Variants in PTPRD observed in about 807,000 individuals in gnomAD.
PTPRD encodes receptor-type tyrosine-protein phosphatase delta.
In PTPRD, 34 loss-of-function variants were observed where a neutral mutation model predicts 214.5. The ratio of observed to expected loss-of-function variants is 0.16; its 90% confidence interval spans 0.12 to 0.21. The LOEUF (loss-of-function observed/expected upper bound fraction) is 0.21. Ranked by LOEUF, PTPRD falls within the 10% of genes least tolerant of loss-of-function variation. The pLI is 1.00. For synonymous variants in PTPRD, 1,128 were observed against 845.7 expected, an observed-to-expected ratio of 1.33 and a Z score of -5.79; for missense variants, 2,545 against 2,398.7, an observed-to-expected ratio of 1.06 and a Z score of -1.27.
At chr9:8,764,206 T>A (rs967475563) in intron 11 of PTPRD, among the ~76,000 whole-genome samples, 7 of 152,196 alleles carry the variant, frequency 4.6e-5, no homozygotes, top group African/African-American at 1.7e-4. Flanking sequence ...ATGTGAAACA[T>A]GCTTTTTCTT....
chr9:10,355,488 T>C (rs1270238473), intron 2 of PTPRD, among the ~76,000 whole-genome samples: 1 of 151,214 alleles, frequency 6.6e-6, no homozygotes, highest in Non-Finnish European at 1.5e-5. Context: ...TCTTTTTTTT[T>C]TTTTTTTGAG....
intron 2 of PTPRD, among the ~76,000 whole-genome samples, chr9:10,492,463 G>A (rs942435948): frequency 6.6e-6 from 1 of 152,136 alleles, no homozygotes; most frequent in Non-Finnish European, 1.5e-5. Flanking sequence ...CTGGTGACCA[G>A]GGATGATTAG....
chr9:9,055,969 T>C (rs1472688955), intron 10 of PTPRD, among the ~76,000 whole-genome samples: 1 of 152,140 alleles, frequency 6.6e-6, no homozygotes, highest in African/African-American at 2.4e-5. Context: ...GCTGGACTTC[T>C]CTATGTCATT....
intron 2 of PTPRD, among the ~76,000 whole-genome samples, chr9:10,411,890 A>T (rs1044219823): frequency 6.6e-6 from 1 of 151,802 alleles, no homozygotes; most frequent in Admixed American, 6.6e-5. Context: ...ACTTGGGGTA[A>T]AACCATTTCA....
chr9:9,930,421 G>T (rs1485064808), intron 5 of PTPRD, among the ~76,000 whole-genome samples: 3 of 152,158 alleles, frequency 2.0e-5, no homozygotes, highest in Admixed American at 6.5e-5. Flanking sequence ...TATTTCTACA[G>T]AGTTTATTTT....
chr9:10,029,482 C>T (rs2097008491), intron 4 of PTPRD, among the ~76,000 whole-genome samples: 1 of 152,140 alleles, frequency 6.6e-6, no homozygotes. Flanking sequence ...GCCATGGGAA[C>T]CCATCTTTTC....
intron 4 of PTPRD, among the ~76,000 whole-genome samples, chr9:10,015,278 G>A (rs2096680893): frequency 3.9e-5 from 6 of 152,098 alleles, no homozygotes; most frequent in Admixed American, 3.9e-4. Flanking sequence ...ACAAAAATAT[G>A]TGCAATAACA....
At chr9:9,188,679 C>A (rs1415164695) in intron 9 of PTPRD, among the ~76,000 whole-genome samples, 1 of 151,856 alleles carries the variant, frequency 6.6e-6, no homozygotes, top group African/African-American at 2.4e-5. Flanking sequence ...CTCTAACAAC[C>A]CTTTTAAGGA....
chr9:9,404,742 A>G (rs1319497101), intron 8 of PTPRD, among the ~76,000 whole-genome samples: 2 of 152,224 alleles, frequency 1.3e-5, no homozygotes, highest in East Asian at 3.9e-4. Context: ...CACAGAGAAC[A>G]TGTATGAAGT....
chr9:9,575,717 C>CAAAA (rs757614546), intron 7 of PTPRD, among the ~76,000 whole-genome samples: 357 of 33,236 alleles, frequency 0.011, no homozygotes, highest in Middle Eastern at 0.045. Context: ...AAGACTGTCT[C>CAAAA]AAAAAAAAAA....
chr9:8,365,150 T>TAAAA (rs199720041), intron 39 of PTPRD, among the ~76,000 whole-genome samples: 1 of 151,618 alleles, frequency 6.6e-6, no homozygotes, highest in African/African-American at 2.4e-5. Context: ...AAAAAAAAAT[T>TAAAA]AAAAAAAGAG....
At position 8,654,511 on chromosome 9, in the gene PTPRD, G is replaced by C. The variant is rs192848245; in HGVS notation, c.65-17667C>G. Reference sequence around the variant, plus strand: ...ATATTTGGTTAAAGCCAAAATACAAGAAAAAGAAATACTTATGAATTAGGC... The same window carrying C: ...ATATTTGGTTAAAGCCAAAATACAACAAAAAGAAATACTTATGAATTAGGC... On this transcript the variant is annotated intron_variant, in intron 12 of 45. Coordinates refer to ENST00000381196, the MANE Select transcript of PTPRD (RefSeq NM_002839.4). 2.0e-3 allele frequency among the ~76,000 whole-genome samples: 303 copies of C among 152,144 alleles called. 3 individuals carry two copies. Among genetic ancestry groups the C allele is most frequent in the African/African-American group, 6.8e-3 (282 of 41,490 alleles).
At chr9:8,383,107 G>C (rs2085694310) in intron 37 of PTPRD, among the ~76,000 whole-genome samples, 1 of 152,144 alleles carries the variant, frequency 6.6e-6, no homozygotes, top group Non-Finnish European at 1.5e-5. Flanking sequence ...TAACCCAAAA[G>C]GATCTCACAA....
chr9:10,121,096 T>C (rs1236053863), intron 3 of PTPRD, among the ~76,000 whole-genome samples: 3 of 152,192 alleles, frequency 2.0e-5, no homozygotes, highest in Admixed American at 6.5e-5. Flanking sequence ...TTAAAATACC[T>C]TTAATATTTC....
Position 10,273,959 on chromosome 9 carries a change from T to C in PTPRD, c.-545+67004A>G, listed in dbSNP as rs558858838. 2.2e-5 allele frequency among the ~76,000 whole-genome samples: 3 copies of C among 138,150 alleles called. No homozygotes were observed. In the East Asian group the frequency reaches 6.4e-4, roughly 30 times the overall value. 90.6% of individuals were successfully genotyped at this position (138,150 alleles called of 152,430 possible). A position where few individuals can be genotyped will look rare whatever the true frequency, so the allele number is the denominator to read the frequency against. On this transcript the variant is annotated intron_variant, in intron 3 of 45. Coordinates refer to ENST00000381196, the MANE Select transcript of PTPRD (RefSeq NM_002839.4). ...TCAGTGTAACAATAGCTATGTAATG[T>C]AGTTTTTAAAATCCTCATGCTTTGT...
chr9:8,672,629 A>G (rs533001627), intron 12 of PTPRD, among the ~76,000 whole-genome samples: 1 of 152,264 alleles, frequency 6.6e-6, no homozygotes, highest in African/African-American at 2.4e-5. Flanking sequence ...CCTCTAATGA[A>G]CAAATCTCCA....
At chr9:9,077,562 A>G (rs557980707) in intron 10 of PTPRD, among the ~76,000 whole-genome samples, 1 of 152,208 alleles carries the variant, frequency 6.6e-6, no homozygotes, top group South Asian at 2.1e-4. Context: ...ATAGAGATCC[A>G]CAAAAATTGA....
rs78945538 is a variant in PTPRD, at chr9:8,972,585, A to G, written c.-104+46112T>C. Among the ~76,000 whole-genome samples, 1,766 of 152,034 alleles carry G rather than the reference A, an allele frequency of 0.012. 100 individuals carry two copies. The East Asian group carries it at 0.14, about 12-fold the overall frequency. ...AAGAACAAATTAAATGGAAGTGAAT[A>G]TTTATTGAGGACTGTTAGTCAATAA... On this transcript the variant is annotated intron_variant, in intron 11 of 45. Transcript: ENST00000381196.
intron 44 of PTPRD, among the ~76,000 whole-genome samples, chr9:8,327,792 C>G (rs12342969): frequency 0.013 from 2,024 of 151,466 alleles, 43 homozygotes; most frequent in African/African-American, 0.045. Flanking sequence ...TAATGCCCTT[C>G]TTTGTTGGTT....
Sources: gnomAD v4.1 joint callset for allele counts (sites outside exome capture counted in the v4.1 genomes callset) on GRCh38, gnomAD v4.1.1 for gene constraint, MANE v1.5 for transcripts, NCBI Gene and HGNC (gene_info 2026-07-23, HGNC 2026-07-21) for gene names.